The following COA1 variants were observed in gnomAD, a reference collection of about 807,000 sequenced individuals.
COA1 encodes cytochrome c oxidase assembly factor 1, also known as cytochrome c oxidase assembly factor 1 homolog.
A neutral mutation model predicts 16.0 loss-of-function variants in COA1; 13 were observed. The observed-to-expected ratio is 0.81, with a 90% CI of 0.53 to 1.29. The LOEUF is 1.29. Among genes scored for constraint, COA1 ranks in the 50% most tolerant of loss-of-function variants. COA1 has a pLI of 0.00. For missense variants in COA1, 179 were observed against 177.0 expected, an observed-to-expected ratio of 1.01 and a Z score of -0.06; for synonymous variants, 65 against 65.7, an observed-to-expected ratio of 0.99 and a Z score of 0.05.
At chr7:43,630,992 G>A (rs947534416) in intron 6 of COA1, among the ~76,000 whole-genome samples, 29 of 152,168 alleles carry the variant, frequency 1.9e-4, no homozygotes, top group African/African-American at 6.0e-4. Context: ...AACTCAAGGA[G>A]GAAAGTCTAT....
intron 1 of COA1, among the ~76,000 whole-genome samples, chr7:43,728,795 G>T (rs762296767): frequency 2.6e-4 from 40 of 152,286 alleles, no homozygotes; most frequent in African/African-American, 9.6e-4. Context: ...GAATGGGGAG[G>T]AATCAGGGGA....
intron 6 of COA1, among the ~76,000 whole-genome samples, chr7:43,613,851 T>C (rs1220178675): frequency 1.3e-5 from 2 of 152,156 alleles, no homozygotes; most frequent in African/African-American, 4.8e-5. Flanking sequence ...TCAAAAACTT[T>C]TTTATTAAAA....
intron 1 of COA1, among the ~76,000 whole-genome samples, chr7:43,723,834 G>T (rs1274953431): frequency 2.0e-5 from 3 of 152,156 alleles, no homozygotes; most frequent in African/African-American, 7.2e-5. Context: ...GGCTAAAGCA[G>T]GAGGATCACT....
intron 1 of COA1, among the ~76,000 whole-genome samples, chr7:43,678,641 T>C (rs1338482914): frequency 6.6e-6 from 1 of 151,922 alleles, no homozygotes; most frequent in Non-Finnish European, 1.5e-5. Context: ...AATTCAAAAA[T>C]GGGAAGAGGA....
At chr7:43,714,236 G>C (rs530164279) in intron 1 of COA1, among the ~76,000 whole-genome samples, 4 of 151,948 alleles carry the variant, frequency 2.6e-5, no homozygotes, top group East Asian at 1.9e-4. Flanking sequence ...TTTTGTAATA[G>C]AGTTATACTA....
At chr7:43,655,438 G>C (rs890262296) in intron 1 of COA1, among the ~76,000 whole-genome samples, 4 of 152,138 alleles carry the variant, frequency 2.6e-5, no homozygotes, top group Admixed American at 6.5e-5. Flanking sequence ...ATCACTTAAG[G>C]TCAGGAGTTC....
chr7:43,629,570 A>T (rs2084964387), intron 6 of COA1, among the ~76,000 whole-genome samples: 1 of 152,064 alleles, frequency 6.6e-6, no homozygotes, highest in South Asian at 2.1e-4. Flanking sequence ...TGCTTTTAAT[A>T]CCCCAACTCT....
chr7:43,707,365 CT>C (rs1170985843), intron 1 of COA1, among the ~76,000 whole-genome samples: 1 of 151,970 alleles, frequency 6.6e-6, no homozygotes, highest in East Asian at 1.9e-4. Flanking sequence ...CTGAGTGGTT[CT>C]TTTTTTTAAA....
intron 6 of COA1, among the ~76,000 whole-genome samples, chr7:43,618,229 G>GT (rs1308035919): frequency 6.6e-6 from 1 of 152,194 alleles, no homozygotes; most frequent in Non-Finnish European, 1.5e-5. Context: ...AGCCCTCCCT[G>GT]GAAGGAGCAG....
intron 1 of COA1, among the ~76,000 whole-genome samples, chr7:43,682,523 C>A (rs1489335592): frequency 1.3e-5 from 2 of 152,082 alleles, no homozygotes; most frequent in African/African-American, 4.8e-5. Context: ...AATTCTTTCA[C>A]AACAGAAAGA....
chr7:43,618,414 C>A (rs889912471), intron 6 of COA1, among the ~76,000 whole-genome samples: 1 of 152,160 alleles, frequency 6.6e-6, no homozygotes, highest in African/African-American at 2.4e-5. Context: ...TTAGGGATTA[C>A]AGACTGTTTG....
intron 1 of COA1, among the ~76,000 whole-genome samples, chr7:43,664,774 C>T (rs977853976): frequency 1.3e-5 from 2 of 152,166 alleles, no homozygotes; most frequent in Admixed American, 6.5e-5. Context: ...TTATGAACAG[C>T]TTCAACAAGC....
At position 43,639,489 on chromosome 7, in the gene COA1, G is replaced by A; in HGVS notation, c.*93C>T. 1 of 966,570 alleles carries A rather than the reference G, an allele frequency of 1.0e-6. No homozygotes were observed. The highest frequency in any genetic ancestry group is 1.6e-6 in the Non-Finnish European group (1 of 607,050). The allele number at this position is 966,570 out of a possible 1,614,324, so 59.9% of individuals were successfully genotyped here. ...GGCTGGAAAACTGGGTTGCAGGAGTGTCTGTCACTGAGATGGGCCACCACC... is the reference window on the plus strand; with the variant it reads ...GGCTGGAAAACTGGGTTGCAGGAGTATCTGTCACTGAGATGGGCCACCACC... On this transcript the variant is annotated 3_prime_UTR_variant, in exon 6 of 6. Transcript: ENST00000223336.
At chr7:43,711,665 C>A (rs2095253267) in intron 1 of COA1, among the ~76,000 whole-genome samples, 1 of 152,188 alleles carries the variant, frequency 6.6e-6, no homozygotes, top group South Asian at 2.1e-4. Context: ...CTAGATGGTA[C>A]AGCCTACAAC....
intron 1 of COA1, among the ~76,000 whole-genome samples, chr7:43,652,556 C>G (rs929708596): frequency 1.3e-5 from 2 of 152,212 alleles, no homozygotes; most frequent in Non-Finnish European, 2.9e-5. Flanking sequence ...AGGGCATGGT[C>G]TCTCCACTGA....
chr7:43,723,906 G>A (rs370428973), intron 1 of COA1, among the ~76,000 whole-genome samples: 2 of 152,172 alleles, frequency 1.3e-5, no homozygotes, highest in African/African-American at 4.8e-5. Flanking sequence ...CAGCCTGGGT[G>A]ACAAAGTGAG....
chr7:43,621,709 G>C (rs922616668), intron 6 of COA1, among the ~76,000 whole-genome samples: 1 of 152,052 alleles, frequency 6.6e-6, no homozygotes, highest in Non-Finnish European at 1.5e-5. Context: ...AGAGCTTTCT[G>C]TTCCTTAGTA....
intron 1 of COA1, among the ~76,000 whole-genome samples, chr7:43,677,276 G>C (rs1339234026): frequency 6.6e-6 from 1 of 152,110 alleles, no homozygotes; most frequent in Non-Finnish European, 1.5e-5. Flanking sequence ...CTCAACAAAT[G>C]CTCTTTTAAA....
At chr7:43,710,375 A>AAAAAAATATATATAT (rs761592421) in intron 1 of COA1, among the ~76,000 whole-genome samples, 8 of 36,448 alleles carry the variant, frequency 2.2e-4, no homozygotes, top group African/African-American at 3.9e-4. Flanking sequence ...AAAAAAAAAA[A>AAAAAAATATATATAT]ATATATATAT....
Sources: gnomAD v4.1 joint callset for allele counts (sites outside exome capture counted in the v4.1 genomes callset) on GRCh38, gnomAD v4.1.1 for gene constraint, MANE v1.5 for transcripts, NCBI Gene and HGNC (gene_info 2026-07-23, HGNC 2026-07-21) for gene names.